Variants in DCDC1 observed in about 807,000 individuals in gnomAD.
DCDC1 encodes doublecortin domain-containing protein 1.
DCDC1 carries 200 observed loss-of-function variants against 178.3 expected under a neutral mutation model. The ratio of observed to expected loss-of-function variants is 1.12; its 90% CI spans 1.00 to 1.26. The LOEUF is 1.26. Among genes scored for constraint, DCDC1 ranks in the 50% most tolerant of loss-of-function variants. DCDC1 has a pLI of 0.00. For synonymous variants in DCDC1, 690 were observed against 604.8 expected (o/e 1.14, Z -2.07); for missense variants, 1,983 against 1,749.2 (o/e 1.13, Z -2.38).
At chr11:31,157,814 T>TAA (rs1965882359) in intron 9 of DCDC1, among the ~76,000 whole-genome samples, 1 of 152,144 alleles carries the variant, frequency 6.6e-6, no homozygotes, top group African/African-American at 2.4e-5. Flanking sequence ...ACTGATCAAT[T>TAA]AAAAATGATT....
At chr11:31,254,371 C>T (rs1336628220) in intron 8 of DCDC1, among the ~76,000 whole-genome samples, 1 of 151,906 alleles carries the variant, frequency 6.6e-6, no homozygotes, top group Non-Finnish European at 1.5e-5. Flanking sequence ...ATGTGAAAAT[C>T]GAGAATGTGC....
At chr11:31,038,775 T>C (rs1954242754) in intron 20 of DCDC1, among the ~76,000 whole-genome samples, 1 of 152,072 alleles carries the variant, frequency 6.6e-6, no homozygotes, top group African/African-American at 2.4e-5. Flanking sequence ...AATTCTATCC[T>C]CTAACAACAG....
At chr11:30,871,837 C>T (rs1222529554) in intron 38 of DCDC1, among the ~76,000 whole-genome samples, 1 of 151,764 alleles carries the variant, frequency 6.6e-6, no homozygotes, top group Non-Finnish European at 1.5e-5. Context: ...AACATGAGTA[C>T]ACTTAGTGTA....
intron 9 of DCDC1, among the ~76,000 whole-genome samples, chr11:31,241,221 A>C (rs926172704): frequency 1.8e-4 from 27 of 151,978 alleles, no homozygotes; most frequent in Non-Finnish European, 2.2e-4. Context: ...TATGCGCTGC[A>C]AGAAAAGATG....
chr11:31,136,444 T>C (rs11031295), intron 10 of DCDC1, among the ~76,000 whole-genome samples: 13,850 of 152,114 alleles, frequency 0.091, 1,730 homozygotes, highest in African/African-American at 0.28. Flanking sequence ...CAAATACTAA[T>C]ATGGTCTCTA....
chr11:31,230,210 A>G (rs2136765647), intron 9 of DCDC1, among the ~76,000 whole-genome samples: 1 of 152,248 alleles, frequency 6.6e-6, no homozygotes, highest in South Asian at 2.1e-4. Context: ...TATACTAAGA[A>G]TGAGAAATCA....
At chr11:30,906,833 C>A in intron 29 of DCDC1, 108 bp from the exon 30 acceptor site, 1 of 981,338 alleles carries the variant, frequency 1.0e-6, no homozygotes, top group South Asian at 3.9e-5. Context: ...CCCCAAAATG[C>A]TAAATTTAAA....
intron 20 of DCDC1, among the ~76,000 whole-genome samples, chr11:30,994,268 A>G (rs946406461): frequency 1.3e-5 from 2 of 152,036 alleles, no homozygotes; most frequent in Non-Finnish European, 2.9e-5. Context: ...CGTAATAAAA[A>G]TTTACAGCAA....
At chr11:30,917,431 G>A (rs959395165) in intron 25 of DCDC1, among the ~76,000 whole-genome samples, 7 of 152,190 alleles carry the variant, frequency 4.6e-5, no homozygotes, top group African/African-American at 7.2e-5. Flanking sequence ...TAGATTACCC[G>A]GTTTTGTAAA....
intron 9 of DCDC1, among the ~76,000 whole-genome samples, chr11:31,206,327 T>C (rs1020799261): frequency 6.6e-6 from 1 of 152,198 alleles, no homozygotes; most frequent in African/African-American, 2.4e-5. Context: ...AGCTGGGAAT[T>C]ATTCCTGCCA....
intron 9 of DCDC1, among the ~76,000 whole-genome samples, chr11:31,157,385 A>ATATATG (rs1965836482): frequency 6.9e-6 from 1 of 145,432 alleles, no homozygotes; most frequent in South Asian, 2.1e-4. Flanking sequence ...ATATATATAT[A>ATATATG]TACATATATA....
chr11:31,286,715 C>T (rs2137346636), intron 7 of DCDC1, among the ~76,000 whole-genome samples: 1 of 152,014 alleles, frequency 6.6e-6, no homozygotes, highest in South Asian at 2.1e-4. Context: ...TATCAGGTAC[C>T]TCTAAAAGTT....
At chr11:31,137,166 T>C (rs1296440959) in intron 10 of DCDC1, among the ~76,000 whole-genome samples, 1 of 152,142 alleles carries the variant, frequency 6.6e-6, no homozygotes, top group African/African-American at 2.4e-5. Context: ...GAGACTTTTT[T>C]CAGAAAATTA....
intron 23 of DCDC1, among the ~76,000 whole-genome samples, chr11:30,922,985 T>A (rs998959128): frequency 9.5e-6 from 1 of 105,630 alleles, no homozygotes; most frequent in East Asian, 2.5e-4. Context: ...AGGAAGGGAG[T>A]GAGGGAGGGA....
At chr11:30,879,462 G>A (rs1041830099) in intron 37 of DCDC1, among the ~76,000 whole-genome samples, 19 of 152,094 alleles carry the variant, frequency 1.2e-4, no homozygotes, top group African/African-American at 3.9e-4. Context: ...GACTTTCTGC[G>A]ATCAGAGATT....
At position 31,099,147 on chromosome 11, in the gene DCDC1, T is replaced by C. The variant is rs371529339; in HGVS notation, c.1983+3030A>G. ...GTCCTTTTCTCTGATATCTCTTTGC[T>C]ATCCAATTGTTTTTAGGTTTGAGTT... On this transcript the variant is annotated intron_variant, in intron 15 of 38. Transcript: ENST00000684477. Among the ~76,000 whole-genome samples, 3 of 152,240 alleles carry C rather than the reference T, an allele frequency of 2.0e-5. No individual in the cohort carries two copies. In the East Asian group the frequency reaches 5.8e-4, roughly 29 times the overall value.
At chr11:31,343,492 A>G (rs1950655168) in intron 1 of DCDC1, among the ~76,000 whole-genome samples, 1 of 152,082 alleles carries the variant, frequency 6.6e-6, no homozygotes. Flanking sequence ...TTTTTAGTAG[A>G]GATGGGGTTT....
chr11:31,167,412 T>G (rs1405912035), intron 9 of DCDC1, among the ~76,000 whole-genome samples: 5 of 152,216 alleles, frequency 3.3e-5, no homozygotes, highest in Non-Finnish European at 5.9e-5. Context: ...TTTAATTTCA[T>G]GAGTTCTTTT....
At chr11:31,073,192 C>G (rs952920119) in intron 18 of DCDC1, among the ~76,000 whole-genome samples, 3 of 152,070 alleles carry the variant, frequency 2.0e-5, no homozygotes, top group Non-Finnish European at 2.9e-5. Context: ...GTAAAAATAT[C>G]AGTGATTGTG....
Sources: gnomAD v4.1 joint callset for allele counts (sites outside exome capture counted in the v4.1 genomes callset) on GRCh38, gnomAD v4.1.1 for gene constraint, MANE v1.5 for transcripts, NCBI Gene and HGNC (gene_info 2026-07-23, HGNC 2026-07-21) for gene names.